MSH5: variants seen among roughly 807,000 people sequenced by gnomAD.
The protein encoded by MSH5 is mutS protein homolog 5.
A neutral mutation model predicts 107.7 loss-of-function variants in MSH5; 78 were observed. The ratio of observed to expected loss-of-function variants is 0.72; its 90% CI spans 0.60 to 0.87. MSH5 has a LOEUF of 0.87. MSH5 is among the 40% of genes least tolerant of loss of function. The probability of loss-of-function intolerance (pLI) is 0.00; values close to 1 mark genes in which losing one functional copy is unlikely to be tolerated. For synonymous variants in MSH5, 326 were observed against 399.5 expected, an observed-to-expected ratio of 0.82 and a Z score of 2.19; for missense variants, 889 against 1,046.6, an observed-to-expected ratio of 0.85 and a Z score of 2.08.
Position 31,742,004 on chromosome 6 carries a change from C to T in MSH5, c.271+718C>T, listed in dbSNP as rs185404297. On this transcript the variant is annotated intron_variant, in intron 3 of 24. Transcript: ENST00000375750. The stretch of plus-strand genomic sequence containing the variant: ...AACCTCTCACTCATACCCACCAACA[C>T]ACTCCAGGAAGGGCATTAATCTGTT... Among the ~76,000 whole-genome samples the T allele has an allele frequency of 2.0e-4, 30 of 152,212 alleles. No homozygotes were observed. In the South Asian group the frequency reaches 3.5e-3, roughly 18 times the overall value.
rs1277148162 is a variant in MSH5 at position 31,760,610 on chromosome 6, T to C, written c.1813-80T>C. Reference sequence around the variant, plus strand: ...TTTCACCCTGTCCATTTCTCTTTGATGTGCCATTCATGCCTTGAGCCTCAC... The same window carrying C: ...TTTCACCCTGTCCATTTCTCTTTGACGTGCCATTCATGCCTTGAGCCTCAC... On this transcript the variant is annotated intron_variant, in intron 19 of 24. Transcript: ENST00000375750. The surrounding 1 kb of genome is among the most constrained non-coding windows in gnomAD (Gnocchi z 5.6). 1 of 1,557,994 alleles carries C rather than the reference T, an allele frequency of 6.4e-7. No individual in the cohort carries two copies. The highest frequency in any genetic ancestry group is 1.4e-5 in the African/African-American group (1 of 73,766).
In MSH5 at chr6:31,753,768, G is replaced by A. The variant is rs28399972; in HGVS notation, c.1014+139G>A. On this transcript the variant is annotated intron_variant, in intron 12 of 24. Transcript: ENST00000375750. ...TTTTTGGAGACAGCCTCGCTCTGTCGCCCAGGCTGAAGTGCCATGGGGCGA... is the reference window on the plus strand; with the variant it reads ...TTTTTGGAGACAGCCTCGCTCTGTCACCCAGGCTGAAGTGCCATGGGGCGA... 7.8e-3 allele frequency: 6,242 copies of A among 804,488 alleles called. 232 individuals carry two copies. In the East Asian group the frequency reaches 0.082, roughly 11 times the overall value. 49.8% of individuals were successfully genotyped at this position (804,488 alleles called of 1,614,324 possible). A position where few individuals can be genotyped will look rare whatever the true frequency, so the allele number is the denominator to read the frequency against.
Position 31,760,042 on chromosome 6 carries a change from T to G in MSH5, c.1686-48T>G. 6.2e-7 allele frequency: 1 copy of G among 1,607,012 alleles called. No homozygotes were observed. The highest frequency in any genetic ancestry group is 8.5e-7 in the Non-Finnish European group (1 of 1,175,262). Reference sequence around the variant, plus strand: ...AAAGGCTACATCTTCTGGGGGTTCATCTATCTTGATCCACAAGCCATGCGA... The same window carrying G: ...AAAGGCTACATCTTCTGGGGGTTCAGCTATCTTGATCCACAAGCCATGCGA... On this transcript the variant is annotated intron_variant, in intron 18 of 24. Transcript: ENST00000375750. The surrounding 1 kb of genome is among the most constrained non-coding windows in gnomAD (Gnocchi z 5.6).
rs1432935082 is a variant in MSH5, at chr6:31,762,204, T to C, written c.2393+19T>C. The stretch of plus-strand genomic sequence containing the variant: ...TGGAAAAGTGCGTATATGGCCCCAG[T>C]GTCTTTACCCTCTCTGCATCTTCTC... On this transcript the variant is annotated intron_variant, in intron 24 of 24. Transcript: ENST00000375750. The C allele has an allele frequency of 6.2e-7, 1 of 1,612,766 alleles. No individual in the cohort carries two copies. The highest frequency in any genetic ancestry group is 1.7e-5 in the Admixed American group (1 of 60,014).
chr6:31,762,013 C>T (rs1811059420), intron 23 of MSH5, 58 bp downstream of exon 23: 1 of 1,612,766 alleles, frequency 6.2e-7, no homozygotes, highest in South Asian at 1.1e-5. Flanking sequence ...CATTCCTAGT[C>T]CTACTGGGCC....
intron 12 of MSH5, among the ~76,000 whole-genome samples, chr6:31,754,995 A>G (rs966689006): frequency 1.3e-5 from 2 of 151,260 alleles, no homozygotes; most frequent in African/African-American, 4.9e-5. Flanking sequence ...CTCGTGATCC[A>G]CCCGCCTCGG....
rs1809558304 is a variant in MSH5 at position 31,747,408 on chromosome 6, G to GT, written c.789dup (p.Lys264Ter). The GT allele has an allele frequency of 6.2e-7, 1 of 1,612,948 alleles. No homozygotes were observed. On this transcript the variant is annotated frameshift_variant, in exon 10 of 25. Coordinates refer to ENST00000375750, the MANE Select transcript of MSH5 (RefSeq NM_172166.4). LOFTEE classifies it high-confidence loss of function. ...ACAGGAATCCTCAACAGATGCCACTGTAAGTGGGGAGAGAAGCTGCTCAGG... is the reference window on the plus strand; with the variant it reads ...ACAGGAATCCTCAACAGATGCCACTGTTAAGTGGGGAGAGAAGCTGCTCAGG...
intron 9 of MSH5, among the ~76,000 whole-genome samples, chr6:31,745,796 C>A (rs1809389911): frequency 1.5e-5 from 2 of 129,876 alleles, no homozygotes; most frequent in Non-Finnish European, 3.1e-5. Context: ...GATACAGAGT[C>A]TCGCTCTGTC....
At chr6:31,756,863 T>G (rs764970392) in intron 12 of MSH5, 2 of 151,792 alleles carry the variant, frequency 1.3e-5, no homozygotes, top group Non-Finnish European at 2.9e-5. Context: ...ATGGTCTTGA[T>G]CTCTTGACCT....
chr6:31,759,389 G>A lies in MSH5; in HGVS notation c.1408-36G>A. 1 of 1,602,274 alleles carries A rather than the reference G, an allele frequency of 6.2e-7. No homozygotes were observed. Among genetic ancestry groups the A allele is most frequent in the Non-Finnish European group, 8.5e-7 (1 of 1,170,840 alleles). On this transcript the variant is annotated intron_variant, in intron 16 of 24. Coordinates refer to ENST00000375750, the MANE Select transcript of MSH5 (RefSeq NM_172166.4). The surrounding 1 kb of genome is among the most constrained non-coding windows in gnomAD (Gnocchi z 4.7). Reference sequence around the variant, plus strand: ...ATGGGGAAGGAGAGGAGGACCAAGAGATGCAAAGTCCACAGCTTTGAACCC... The same window carrying A: ...ATGGGGAAGGAGAGGAGGACCAAGAAATGCAAAGTCCACAGCTTTGAACCC...
rs764436774 is a variant in MSH5, at chr6:31,758,814, G to A, written c.1265G>A (p.Arg422His). The A allele has an allele frequency of 5.6e-6, 9 of 1,614,200 alleles. No homozygotes were observed. The highest frequency in any genetic ancestry group is 2.2e-5 in the East Asian group (1 of 44,886). ...CCCAGTTTCCTTACTGAGGTTGCCC[G>A]CAAGGAGCTGGAGAATCTGGACTCC... ...GLPSFLTEVA[R>H]KELENLDSRI... Residue 422 changes from arginine to histidine, a missense_variant, in exon 15 of 25, where the codon CGC becomes CAC. Arg to His is a conservative substitution (Grantham distance 29). Coordinates refer to ENST00000375750, the MANE Select transcript of MSH5 (RefSeq NM_172166.4). This position sits in a 1 kb window ranked among gnomAD's most constrained non-coding sequence, Gnocchi z 5.1.
At chr6:31,748,633 C>T (rs1020248245) in intron 10 of MSH5, among the ~76,000 whole-genome samples, 1 of 151,452 alleles carries the variant, frequency 6.6e-6, no homozygotes. Context: ...TGAGTCACTG[C>T]GCCTGGCCGT....
rs778084545 is a variant in MSH5, at chr6:31,741,119, A to G, written c.148-44A>G. ...ATAAGACATGGTAAACCCTACACTT[A>G]TGAGTGATTCTAATAGTGATTTCCT... On this transcript the variant is annotated intron_variant, in intron 2 of 24. Coordinates refer to ENST00000375750, the MANE Select transcript of MSH5 (RefSeq NM_172166.4). 60 of 1,608,646 alleles carry G rather than the reference A, an allele frequency of 3.7e-5. 1 individual carries two copies. In the South Asian group the frequency reaches 6.3e-4, roughly 17 times the overall value.
At chr6:31,756,210 C>T (rs924650020) in intron 12 of MSH5, among the ~76,000 whole-genome samples, 2 of 152,172 alleles carry the variant, frequency 1.3e-5, no homozygotes, top group Non-Finnish European at 2.9e-5. Context: ...CTCCCTCTGT[C>T]GCCAGGCTGA....
rs771603486 is a variant in MSH5 at position 31,753,596 on chromosome 6, C to G, written c.981C>G (p.His327Gln). Residue 327 changes from histidine (H) to glutamine (Q), a missense_variant, in exon 12 of 25, where the codon CAC becomes CAG. This residue lies in a region of MSH5 where 518 missense variants were observed against 565.0 expected (regional missense o/e 0.92). Coordinates refer to ENST00000375750, the MANE Select transcript of MSH5 (RefSeq NM_172166.4). ...PLILKRMKLSHTKVSDWQVLY... is the reference protein window; with the variant it reads ...PLILKRMKLSQTKVSDWQVLY... ...TTCTGAAACGCATGAAGTTGTCCCACACCAAGGTCAGCGACTGGCAGGTTC... is the reference window on the plus strand; with the variant it reads ...TTCTGAAACGCATGAAGTTGTCCCAGACCAAGGTCAGCGACTGGCAGGTTC... 6.2e-7 allele frequency: 1 copy of G among 1,614,174 alleles called. No homozygotes were observed. Among genetic ancestry groups the G allele is most frequent in the Non-Finnish European group, 8.5e-7 (1 of 1,180,040 alleles).
intron 8 of MSH5, among the ~76,000 whole-genome samples, chr6:31,744,800 A>G (rs545073506): frequency 3.7e-4 from 57 of 152,280 alleles, no homozygotes; most frequent in African/African-American, 1.3e-3. Context: ...AAAGAAAAGT[A>G]AGGGACAAAC....
Position 31,744,002 on chromosome 6 carries a change from A to T in MSH5, c.514A>T (p.Ile172Phe), listed in dbSNP as rs1178426915. 3.1e-6 allele frequency: 5 copies of T among 1,613,912 alleles called. No individual in the cohort carries two copies. The highest frequency in any genetic ancestry group is 1.7e-5 in the Admixed American group (1 of 59,976). Residue 172 changes from isoleucine to phenylalanine, a missense_variant, in exon 6 of 25, where the codon ATT becomes TTT. Coordinates refer to ENST00000375750, the MANE Select transcript of MSH5 (RefSeq NM_172166.4). Reference sequence around the variant, plus strand: ...GAAAATCCTCTTCCTCTCTTCCATTATTCCCTTTGACTGCCTCCTCACAGT... The same window carrying T: ...GAAAATCCTCTTCCTCTCTTCCATTTTTCCCTTTGACTGCCTCCTCACAGT... ...TEKILFLSSI[I>F]PFDCLLTVRA... is the part of the protein sequence containing the mutation.
chr6:31,747,446 ACACAT>A lies in MSH5; in HGVS notation c.812+15_812+19del. ...GAAGCTGCTCAGGTGAGTGGGTCCC[ACACAT>A]ACTACACACTAATGCATGAATTCCA... On this transcript the variant is annotated intron_variant, in intron 10 of 24. Coordinates refer to ENST00000375750, the MANE Select transcript of MSH5 (RefSeq NM_172166.4). The A allele has an allele frequency of 1.2e-6, 2 of 1,611,812 alleles. No individual in the cohort carries two copies. The highest frequency in any genetic ancestry group is 1.7e-6 in the Non-Finnish European group (2 of 1,178,978).
Position 31,758,681 on chromosome 6 carries a change from C to T in MSH5, c.1216+61C>T, listed in dbSNP as rs1810674799. The T allele has an allele frequency of 2.5e-6, 4 of 1,608,206 alleles. No individual in the cohort carries two copies. Among genetic ancestry groups the T allele is most frequent in the Admixed American group, 1.7e-5 (1 of 59,984 alleles). On this transcript the variant is annotated intron_variant, in intron 14 of 24. Transcript: ENST00000375750. This position sits in a 1 kb window ranked among gnomAD's most constrained non-coding sequence, Gnocchi z 5.1. The stretch of plus-strand genomic sequence containing the variant: ...CGCAGTGATGGAGTACCATCCTTGG[C>T]AGGTGGTCACCACAGCTGGGGATCT...
Sources: gnomAD v4.1 joint callset for allele counts (sites outside exome capture counted in the v4.1 genomes callset) on GRCh38, gnomAD v4.1.1 for gene constraint, gnomAD v4.1.1 regional missense constraint, Gnocchi (gnomAD v3.1) non-coding constraint, MANE v1.5 for transcripts, NCBI Gene and HGNC (gene_info 2026-07-23, HGNC 2026-07-21) for gene names.